The following ANKS1A variants were observed in gnomAD, a reference collection of about 807,000 sequenced individuals.
The protein encoded by ANKS1A is ankyrin repeat and SAM domain-containing protein 1A.
Under a neutral mutation model 120.3 loss-of-function variants are expected in ANKS1A, and 55 were observed. The ratio of observed to expected loss-of-function variants is 0.46; its 90% CI spans 0.37 to 0.57. ANKS1A has a LOEUF of 0.57. Among genes scored for constraint, ANKS1A ranks in the 20% least tolerant of loss-of-function variants. ANKS1A has a pLI of 0.00. For missense variants in ANKS1A, 1,123 were observed against 1,480.3 expected (o/e 0.76, Z 3.96); for synonymous variants, 590 against 604.7 (o/e 0.98, Z 0.36).
chr6:34,946,323 T>C (rs190936167), intron 1 of ANKS1A, among the ~76,000 whole-genome samples: 1 of 151,820 alleles, frequency 6.6e-6, no homozygotes, highest in East Asian at 2.0e-4. Context: ...CACAGTGGCT[T>C]ATGCCTGTAA....
At chr6:35,052,017 A>C (rs1242582949) in intron 11 of ANKS1A, among the ~76,000 whole-genome samples, 1 of 152,070 alleles carries the variant, frequency 6.6e-6, no homozygotes, top group Non-Finnish European at 1.5e-5. Flanking sequence ...ATTTTTATCC[A>C]TTTTAAATGG....
rs944730155 is a variant in ANKS1A, at chr6:35,052,965, C to T, written c.2011-1134C>T. On this transcript the variant is annotated intron_variant, in intron 11 of 23. Coordinates refer to ENST00000360359, the MANE Select transcript of ANKS1A (RefSeq NM_015245.3). The stretch of plus-strand genomic sequence containing the variant: ...TCAGATGACAGCCTGAGCCAGCAGT[C>T]GATTCTGTGGCTGGAGGAAGATACC... Among the ~76,000 whole-genome samples the T allele has an allele frequency of 4.6e-5, 7 of 152,142 alleles. No homozygotes were observed. The South Asian group carries it at 1.2e-3, about 27-fold the overall frequency.
At chr6:34,969,936 A>G (rs1771097012) in intron 2 of ANKS1A, 74 bp from the exon 3 acceptor site, 25 of 1,541,156 alleles carry the variant, frequency 1.6e-5, no homozygotes, top group Non-Finnish European at 2.1e-5. Flanking sequence ...GCTTTGTGCC[A>G]TATAGGTGTA....
chr6:35,043,359 A>G (rs1414973763), intron 11 of ANKS1A, among the ~76,000 whole-genome samples: 3 of 152,220 alleles, frequency 2.0e-5, no homozygotes, highest in Non-Finnish European at 2.9e-5. Flanking sequence ...GCATTGTTCA[A>G]ACAGGAACCT....
At chr6:34,939,287 A>G (rs899159364) in intron 1 of ANKS1A, among the ~76,000 whole-genome samples, 1 of 152,160 alleles carries the variant, frequency 6.6e-6, no homozygotes, top group Non-Finnish European at 1.5e-5. Context: ...TCCTGTGGAC[A>G]GGGCAATGGA....
In ANKS1A at chr6:35,089,850, C is replaced by T; in HGVS notation, c.*1241C>T. On this transcript the variant is annotated 3_prime_UTR_variant, in exon 24 of 24. Coordinates refer to ENST00000360359, the MANE Select transcript of ANKS1A (RefSeq NM_015245.3). The stretch of plus-strand genomic sequence containing the variant: ...TGGCTCAGCTGTGTGCCCAGTTCCT[C>T]CTGTGGGCACTTTAGCAGGCTCCGA... 1 of 1,072,830 alleles carries T rather than the reference C, an allele frequency of 9.3e-7. No homozygotes were observed. Among genetic ancestry groups the T allele is most frequent in the African/African-American group, 1.7e-5 (1 of 59,968 alleles). 66.5% of individuals were successfully genotyped at this position (1,072,830 alleles called of 1,614,324 possible).
intron 3 of ANKS1A, among the ~76,000 whole-genome samples, chr6:34,978,652 A>G (rs1028745280): frequency 6.6e-6 from 1 of 151,858 alleles, no homozygotes; most frequent in African/African-American, 2.4e-5. Context: ...CTAAAAATAC[A>G]AAATTAGCTA....
chr6:34,894,664 C>A, intron 1 of ANKS1A, among the ~76,000 whole-genome samples: 1 of 151,778 alleles, frequency 6.6e-6, no homozygotes, highest in Non-Finnish European at 1.5e-5. Flanking sequence ...CACCACCACC[C>A]CCCAAAAAAA....
chr6:34,895,322 T>C (rs1767019218), intron 1 of ANKS1A, among the ~76,000 whole-genome samples: 1 of 152,096 alleles, frequency 6.6e-6, no homozygotes, highest in South Asian at 2.1e-4. Flanking sequence ...CTATTGGGAC[T>C]GCAGGCACAT....
Position 34,889,475 on chromosome 6 carries a change from G to C in ANKS1A, c.73G>C (p.Gly25Arg). 7.8e-7 allele frequency: 1 copy of C among 1,287,622 alleles called. No homozygotes were observed. Among genetic ancestry groups the C allele is most frequent in the Non-Finnish European group, 9.8e-7 (1 of 1,023,114 alleles). The allele number at this position is 1,287,622 out of a possible 1,614,324, so 79.8% of individuals were successfully genotyped here. ...HLPAVEKLLS[G>R]KRLSSGFGGG... ...CCCGGCGGTGGAGAAGCTGCTGTCC[G>C]GGAAGCGGCTCTCCTCAGGCTTTGG... Residue 25 changes from glycine to arginine, a missense_variant, in exon 1 of 24, where the codon GGG becomes CGG. By Grantham distance (125) the Gly-to-Arg change is moderately radical. Around this residue, in one of 3 missense-constraint regions of ANKS1A, gnomAD observed 73 missense variants for 82.2 expected, o/e 0.89. Coordinates refer to ENST00000360359, the MANE Select transcript of ANKS1A (RefSeq NM_015245.3). The surrounding 1 kb of genome is among the most constrained non-coding windows in gnomAD (Gnocchi z 5.5).
chr6:34,931,150 CT>C (rs71538282), intron 1 of ANKS1A, among the ~76,000 whole-genome samples: 233 of 134,576 alleles, frequency 1.7e-3, no homozygotes, highest in Admixed American at 2.1e-3. Flanking sequence ...AGGCTGTTTT[CT>C]TTTTTTTTTT....
At chr6:34,995,374 T>G (rs1772795400) in intron 10 of ANKS1A, among the ~76,000 whole-genome samples, 1 of 147,832 alleles carries the variant, frequency 6.8e-6, no homozygotes, top group Admixed American at 6.6e-5. Context: ...TAGTGTTTTT[T>G]TTTGTTTTGT....
chr6:35,061,154 G>T (rs1343323990), intron 13 of ANKS1A, among the ~76,000 whole-genome samples: 1 of 152,216 alleles, frequency 6.6e-6, no homozygotes, highest in African/African-American at 2.4e-5. Flanking sequence ...CCATTGCCCA[G>T]ATGAAGGAAA....
At chr6:35,076,933 A>G (rs888722048) in intron 13 of ANKS1A, among the ~76,000 whole-genome samples, 8 of 152,146 alleles carry the variant, frequency 5.3e-5, no homozygotes, top group African/African-American at 1.9e-4. Context: ...CCTGGCCACA[A>G]TAGTCCCTAT....
At chr6:34,983,255 C>T (rs748388761) in intron 6 of ANKS1A, 41 bp downstream of exon 6, 12 of 1,611,046 alleles carry the variant, frequency 7.4e-6, no homozygotes, top group South Asian at 5.5e-5. Context: ...AGGGGACACA[C>T]GAATTGAACC....
chr6:35,070,393 A>G (rs566558585), intron 13 of ANKS1A, among the ~76,000 whole-genome samples: 11 of 152,104 alleles, frequency 7.2e-5, no homozygotes, highest in African/African-American at 2.2e-4. Flanking sequence ...AGGTCTGAAT[A>G]GAAAACACTT....
Position 35,084,926 on chromosome 6 carries a change from G to C in ANKS1A, c.3132+668G>C, listed in dbSNP as rs1777886472. 6.6e-6 allele frequency among the ~76,000 whole-genome samples: 1 copy of C among 152,158 alleles called. No homozygotes were observed. The highest frequency in any genetic ancestry group is 1.5e-5 in the Non-Finnish European group (1 of 68,022). On this transcript the variant is annotated intron_variant, in intron 21 of 23. Coordinates refer to ENST00000360359, the MANE Select transcript of ANKS1A (RefSeq NM_015245.3). This position sits in a 1 kb window ranked among gnomAD's most constrained non-coding sequence, Gnocchi z 4.8. ...CTAACCTGCAACAAAGCATGAGAGTGGCCCCAGGCTGCTTCCTCACCCCGG... is the reference window on the plus strand; with the variant it reads ...CTAACCTGCAACAAAGCATGAGAGTCGCCCCAGGCTGCTTCCTCACCCCGG...
chr6:34,952,803 G>A (rs1450440026), intron 1 of ANKS1A, among the ~76,000 whole-genome samples: 1 of 151,308 alleles, frequency 6.6e-6, no homozygotes, highest in Non-Finnish European at 1.5e-5. Flanking sequence ...TCCACCTCCC[G>A]GGTTCAAGTG....
intron 10 of ANKS1A, among the ~76,000 whole-genome samples, chr6:35,012,452 G>A (rs1053407807): frequency 6.6e-6 from 1 of 152,206 alleles, no homozygotes; most frequent in African/African-American, 2.4e-5. Context: ...GCTCACTATA[G>A]TGACTAGGCA....
Sources: gnomAD v4.1 joint callset for allele counts (sites outside exome capture counted in the v4.1 genomes callset) on GRCh38, gnomAD v4.1.1 for gene constraint, gnomAD v4.1.1 regional missense constraint, Gnocchi (gnomAD v3.1) non-coding constraint, MANE v1.5 for transcripts, NCBI Gene and HGNC (gene_info 2026-07-23, HGNC 2026-07-21) for gene names.